CTTN: variants seen among roughly 807,000 people sequenced by gnomAD.
CTTN encodes the protein src substrate cortactin.
Under a neutral mutation model 84.0 loss-of-function variants are expected in CTTN, and 28 were observed. The observed-to-expected ratio is 0.33, with a 90% CI of 0.25 to 0.46. CTTN has a LOEUF of 0.46. Ranked by LOEUF, CTTN falls within the 20% of genes least tolerant of loss-of-function variation. The probability of loss-of-function intolerance (pLI) is 1.00; values close to 1 mark genes in which losing one functional copy is unlikely to be tolerated. For missense variants in CTTN, 641 were observed against 723.8 expected, an observed-to-expected ratio of 0.89 and a Z score of 1.31; for synonymous variants, 301 against 288.8, an observed-to-expected ratio of 1.04 and a Z score of -0.43.
chr11:70,401,899 C>T (rs570696493), intron 1 of CTTN, among the ~76,000 whole-genome samples: 75 of 152,062 alleles, frequency 4.9e-4, no homozygotes, highest in African/African-American at 1.7e-3. Flanking sequence ...GCCTGTAATC[C>T]CAGCACTTTG....
chr11:70,431,221 C>G lies in CTTN; in HGVS notation c.1207C>G (p.Pro403Ala). 1 of 1,614,190 alleles carries G rather than the reference C, an allele frequency of 6.2e-7. No individual in the cohort carries two copies. ...AGCCAGAGCCAAAACGCAAACGCCC[C>G]CTGTGTCGCCCGCACCTCAGCCAAC... Reference protein sequence around the residue: ...EQARAKTQTPPVSPAPQPTEE... With the variant: ...EQARAKTQTPAVSPAPQPTEE... The change falls in exon 15 of 18, where the codon CCT becomes GCT. Residue 403 changes from proline (P) to alanine (A), a missense_variant. By Grantham distance (27) the Pro-to-Ala change is conservative. This residue lies in a region of CTTN where 289 missense variants were observed against 273.1 expected (regional missense o/e 1.06). Transcript: ENST00000301843.
chr11:70,408,512 C>G (rs922983811), intron 4 of CTTN, among the ~76,000 whole-genome samples: 3 of 152,162 alleles, frequency 2.0e-5, no homozygotes, highest in Non-Finnish European at 4.4e-5. Flanking sequence ...ATCCTCTCAC[C>G]TCAGCTTCCT....
In CTTN at chr11:70,435,272, T is replaced by C; in HGVS notation, c.*110T>C. 2.2e-6 allele frequency: 3 copies of C among 1,393,990 alleles called. No homozygotes were observed. The East Asian group carries it at 8.0e-5, about 37-fold the overall frequency. The allele number at this position is 1,393,990 out of a possible 1,614,324, so 86.4% of individuals were successfully genotyped here. On this transcript the variant is annotated 3_prime_UTR_variant, in exon 18 of 18. Coordinates refer to ENST00000301843, the MANE Select transcript of CTTN (RefSeq NM_005231.4). ...TTTTCTGTTTTTTTTTTTTTTTTTT[T>C]TTTTTTGAAGGTGGGGAGGGGAATA...
At chr11:70,422,664 C>T in intron 11 of CTTN, 21 of 1,406,012 alleles carry the variant, frequency 1.5e-5, no homozygotes, top group Non-Finnish European at 2.0e-5. Flanking sequence ...CGCTTAGCTC[C>T]TGCCTGCTGC....
At chr11:70,409,727 C>G in intron 4 of CTTN, 104 bp from the exon 5 acceptor site, 1 of 1,307,422 alleles carries the variant, frequency 7.6e-7, no homozygotes, top group South Asian at 1.3e-5. Context: ...AGCAGATTTA[C>G]AAATTTACAA....
Position 70,436,154 on chromosome 11 carries a change from C to A in CTTN, c.*992C>A. 1 of 1,457,142 alleles carries A rather than the reference C, an allele frequency of 6.9e-7. No homozygotes were observed. The highest frequency in any genetic ancestry group is 1.4e-5 in the South Asian group (1 of 70,104). The allele number at this position is 1,457,142 out of a possible 1,614,324, so 90.3% of individuals were successfully genotyped here. ...AGTATTTTTGCCAAAATATCATGTT[C>A]AATTTCAGTAGTTTGATCAGTTGAA... On this transcript the variant is annotated 3_prime_UTR_variant, in exon 18 of 18. Coordinates refer to ENST00000301843, the MANE Select transcript of CTTN (RefSeq NM_005231.4).
At position 70,435,542 on chromosome 11, in the gene CTTN, G is replaced by T; in HGVS notation, c.*380G>T. 6.4e-7 allele frequency: 1 copy of T among 1,568,950 alleles called. No individual in the cohort carries two copies. Among genetic ancestry groups the T allele is most frequent in the Non-Finnish European group, 8.6e-7 (1 of 1,165,138 alleles). On this transcript the variant is annotated 3_prime_UTR_variant, in exon 18 of 18. Transcript: ENST00000301843. ...GTGCAGTCGGGACCTCCCAGGACAA[G>T]CACGAGGCCTCAGGTCGGCCCTGTG... is the stretch of plus-strand genomic sequence containing the variant.
intron 4 of CTTN, 89 bp downstream of exon 4, chr11:70,407,680 A>T (rs1166235229): frequency 2.5e-6 from 3 of 1,220,046 alleles, no homozygotes; most frequent in Non-Finnish European, 3.5e-6. Flanking sequence ...GTGGAGGGAC[A>T]GCCCGTGTGG....
chr11:70,433,302 G>A (rs763633265), intron 16 of CTTN, 24 bp downstream of exon 16: 55 of 1,583,858 alleles, frequency 3.5e-5, no homozygotes, highest in Non-Finnish European at 4.4e-5. Flanking sequence ...ACGCTGCAGC[G>A]CCCTGCCCAG....
intron 2 of CTTN, among the ~76,000 whole-genome samples, chr11:70,406,079 C>T (rs2058038243): frequency 6.6e-6 from 1 of 152,214 alleles, no homozygotes; most frequent in Non-Finnish European, 1.5e-5. Flanking sequence ...AAAATCCTGG[C>T]AAAAGCAGAT....
intron 7 of CTTN, chr11:70,415,936 C>T (rs2058153210): frequency 3.8e-6 from 2 of 526,916 alleles, no homozygotes; most frequent in South Asian, 2.6e-5. Flanking sequence ...ATGTATTCCC[C>T]GTTACACATC....
chr11:70,403,718 T>C (rs2058012783), intron 1 of CTTN, among the ~76,000 whole-genome samples: 1 of 152,184 alleles, frequency 6.6e-6, no homozygotes, highest in African/African-American at 2.4e-5. Context: ...GGTTTTGAGG[T>C]AGGGCTCTAG....
In CTTN at chr11:70,405,419, A is replaced by C. The variant is rs541261495; in HGVS notation, c.-1+58A>C. 4 of 152,314 alleles carry C rather than the reference A, an allele frequency of 2.6e-5. No homozygotes were observed. In the South Asian group the frequency reaches 8.3e-4, roughly 32 times the overall value. 9.4% of individuals were successfully genotyped at this position (152,314 alleles called of 1,614,324 possible). ...TTTCCTGTGGATGGTAAGGGCAAAA[A>C]TCCCTTTAACAGGAAACGGGGGAGG... On this transcript the variant is annotated intron_variant, in intron 2 of 17. Transcript: ENST00000301843.
At chr11:70,420,648 C>T (rs1591442830) in intron 10 of CTTN, 138 bp downstream of exon 10, 2 of 673,802 alleles carry the variant, frequency 3.0e-6, no homozygotes, top group Middle Eastern at 3.4e-4. Flanking sequence ...GTCCTGTGTG[C>T]CCCCCCAATC....
chr11:70,400,496 A>G (rs1487967811), intron 1 of CTTN, among the ~76,000 whole-genome samples: 1 of 152,028 alleles, frequency 6.6e-6, no homozygotes, highest in Non-Finnish European at 1.5e-5. Flanking sequence ...CACAGGTGCC[A>G]TCTAGCACAC....
intron 8 of CTTN, among the ~76,000 whole-genome samples, chr11:70,418,454 G>C (rs376787087): frequency 2.0e-5 from 3 of 152,260 alleles, no homozygotes; most frequent in South Asian, 2.1e-4. Context: ...CAGACGCAAG[G>C]CTCCTTGGAT....
intron 10 of CTTN, among the ~76,000 whole-genome samples, 182 bp downstream of exon 10, chr11:70,420,692 C>T (rs2058223861): frequency 6.6e-6 from 1 of 152,230 alleles, no homozygotes; most frequent in African/African-American, 2.4e-5. Flanking sequence ...AGTCACAAAC[C>T]CTCCCTGCTG....
In CTTN at chr11:70,435,103, G is replaced by C; in HGVS notation, c.1594G>C (p.Gly532Arg). The change falls in exon 18 of 18, where the codon GGG becomes CGG. Residue 532 changes from glycine (G) to arginine (R), a missense_variant. By Grantham distance (125) the Gly-to-Arg change is moderately radical (BLOSUM62 -2). Coordinates refer to ENST00000301843, the MANE Select transcript of CTTN (RefSeq NM_005231.4). ...GATGATTGACGACGGCTGGTGGCGCGGGGTGTGCAAGGGCCGGTACGGGCT... is the reference window on the plus strand; with the variant it reads ...GATGATTGACGACGGCTGGTGGCGCCGGGTGTGCAAGGGCCGGTACGGGCT... ...IEMIDDGWWR[G>R]VCKGRYGLFP... 1.2e-6 allele frequency: 2 copies of C among 1,613,918 alleles called. No homozygotes were observed. The highest frequency in any genetic ancestry group is 1.7e-6 in the Non-Finnish European group (2 of 1,180,024).
rs759215358 is a variant in CTTN, at chr11:70,407,559, G to A, written c.129G>A (p.Thr43=). ...SEKEQRWGAK[T]VQGSGHQEHI... ...AGGAGCAAAGATGGGGTGCCAAGAC[G>A]GTGCAGGGCTCCGGGCACCAGGAGC... Residue 43 remains threonine (T), a synonymous_variant, in exon 4 of 18, where the codon ACG becomes ACA. Coordinates refer to ENST00000301843, the MANE Select transcript of CTTN (RefSeq NM_005231.4). 6.2e-6 allele frequency: 10 copies of A among 1,613,192 alleles called. No homozygotes were observed. The highest frequency in any genetic ancestry group is 4.5e-5 in the East Asian group (2 of 44,846).
Sources: gnomAD v4.1 joint callset for allele counts (sites outside exome capture counted in the v4.1 genomes callset) on GRCh38, gnomAD v4.1.1 for gene constraint, gnomAD v4.1.1 regional missense constraint, MANE v1.5 for transcripts, NCBI Gene and HGNC (gene_info 2026-07-23, HGNC 2026-07-21) for gene names.